The following ATOH8 variants were observed in gnomAD, a reference collection of about 807,000 sequenced individuals.
The protein encoded by ATOH8 is atonal bHLH transcription factor 8.
Under a neutral mutation model 21.2 loss-of-function variants are expected in ATOH8, and 9 were observed. That is an observed-to-expected ratio of 0.42 (90% confidence interval 0.26 to 0.74). The LOEUF is 0.74. Ranked by LOEUF, ATOH8 falls within the 30% of genes least tolerant of loss-of-function variation. The pLI is 0.24. For missense variants in ATOH8, 524 were observed against 470.9 expected (o/e 1.11, Z -1.04); for synonymous variants, 253 against 224.0 (o/e 1.13, Z -1.16).
At position 85,773,240 on chromosome 2, in the gene ATOH8, G is replaced by A. The variant is rs550338205; in HGVS notation, c.960+9058G>A. 10 of 182,238 alleles carry A rather than the reference G, an allele frequency of 5.5e-5. No individual in the cohort carries two copies. The South Asian group carries it at 8.5e-4, about 16-fold the overall frequency. The allele number at this position is 182,238 out of a possible 1,614,324, so 11.3% of individuals were successfully genotyped here. On this transcript the variant is annotated intron_variant, in intron 2 of 2. Coordinates refer to ENST00000306279, the MANE Select transcript of ATOH8 (RefSeq NM_032827.7). ...CAATCACATTCATAAATACGCCGGT[G>A]CCTCGGCTCTGCCGCTGACTGCAGC...
rs367991792 is a variant in ATOH8, at chr2:85,775,099, GTATTA to G, written c.960+10927_960+10931del. The G allele has an allele frequency of 2.7e-4, 257 of 941,488 alleles. 1 individual carries two copies. In the African/African-American group the frequency reaches 2.9e-3, roughly 11 times the overall value. The allele number at this position is 941,488 out of a possible 1,614,324, so 58.3% of individuals were successfully genotyped here. A position where few individuals can be genotyped will look rare whatever the true frequency, so the allele number is the denominator to read the frequency against. ...ATATTAGATTTCATGTCATTACATT[GTATTA>G]TATTATATTTTTAGGTGGTATGCTA... On this transcript the variant is annotated intron_variant, in intron 2 of 2. Transcript: ENST00000306279.
intron 2 of ATOH8, among the ~76,000 whole-genome samples, chr2:85,786,017 C>G (rs954748984): frequency 6.6e-6 from 1 of 152,290 alleles, no homozygotes; most frequent in East Asian, 1.9e-4. Flanking sequence ...TGACCTTGCC[C>G]CCTGTCCCAT....
intron 2 of ATOH8, among the ~76,000 whole-genome samples, chr2:85,783,851 C>T (rs919632739): frequency 5.4e-5 from 7 of 128,632 alleles, no homozygotes; most frequent in Non-Finnish European, 8.9e-5. Context: ...CCCACATGCA[C>T]CCCCCGCCCC....
intron 1 of ATOH8, among the ~76,000 whole-genome samples, chr2:85,755,818 G>A (rs1238971873): frequency 1.3e-5 from 2 of 152,148 alleles, no homozygotes; most frequent in Non-Finnish European, 2.9e-5. Flanking sequence ...AGGAGCTCTA[G>A]GAAGGAGGTG....
intron 1 of ATOH8, among the ~76,000 whole-genome samples, chr2:85,755,327 G>T (rs60305447): frequency 2.7e-4 from 41 of 152,282 alleles, no homozygotes; most frequent in Non-Finnish European, 4.7e-4. Context: ...GCGGAGGAAG[G>T]GGGGAGCCTT....
At position 85,754,724 on chromosome 2, in the gene ATOH8, G is replaced by A. The variant is rs986693648; in HGVS notation, c.535G>A (p.Val179Met). ...ACCGCCAGCGCCCCCGGAGTCCACTGTGCGCCCTGCGCCCCCGACGCGCCC... is the reference window on the plus strand; with the variant it reads ...ACCGCCAGCGCCCCCGGAGTCCACTATGCGCCCTGCGCCCCCGACGCGCCC... ...PAPPAPPEST[V>M]RPAPPTRPGE... The change falls in exon 1 of 3, where the codon GTG becomes ATG. Residue 179 changes from valine to methionine, a missense_variant. By Grantham distance (21) the Val-to-Met change is conservative (BLOSUM62 1). Transcript: ENST00000306279. The A allele has an allele frequency of 1.4e-5, 23 of 1,612,092 alleles. No individual in the cohort carries two copies. Among genetic ancestry groups the A allele is most frequent in the African/African-American group, 1.3e-4 (10 of 74,922 alleles).
intron 2 of ATOH8, chr2:85,774,276 A>C: frequency 4.1e-6 from 4 of 985,564 alleles, no homozygotes; most frequent in Non-Finnish European, 4.8e-6. Context: ...TGAGGCTTCC[A>C]GAGGACAAGA....
chr2:85,787,112 G>C lies in ATOH8; in HGVS notation c.*222G>C. On this transcript the variant is annotated 3_prime_UTR_variant, in exon 3 of 3. Coordinates refer to ENST00000306279, the MANE Select transcript of ATOH8 (RefSeq NM_032827.7). ...TGCTTCGCACTTTGCCCTCTGCCTGGTGGGGAGGGGAGAGCTCAGCCCCCG... is the reference window on the plus strand; with the variant it reads ...TGCTTCGCACTTTGCCCTCTGCCTGCTGGGGAGGGGAGAGCTCAGCCCCCG... The C allele has an allele frequency of 1.7e-6, 1 of 587,378 alleles. No homozygotes were observed. The highest frequency in any genetic ancestry group is 3.0e-6 in the Non-Finnish European group (1 of 332,572). The allele number at this position is 587,378 out of a possible 1,614,324, so 36.4% of individuals were successfully genotyped here.
At chr2:85,779,691 G>T (rs919123668) in intron 2 of ATOH8, among the ~76,000 whole-genome samples, 1 of 152,234 alleles carries the variant, frequency 6.6e-6, no homozygotes, top group African/African-American at 2.4e-5. Context: ...TTGCCCTGCT[G>T]CATCCTAGCA....
At position 85,790,426 on chromosome 2, in the gene ATOH8, CA is replaced by C. The variant is rs1162689241; in HGVS notation, c.*3539del. Among the ~76,000 whole-genome samples the C allele has an allele frequency of 2.0e-5, 3 of 152,186 alleles. No homozygotes were observed. The highest frequency in any genetic ancestry group is 2.0e-4 in the Admixed American group (3 of 15,280). On this transcript the variant is annotated 3_prime_UTR_variant, in exon 3 of 3. Coordinates refer to ENST00000306279, the MANE Select transcript of ATOH8 (RefSeq NM_032827.7). ...ACAGGCCAAGCTTTGCAAGACTCTC[CA>C]AAGACTGCCCACAGACTGTGCTGCT...
intron 1 of ATOH8, among the ~76,000 whole-genome samples, chr2:85,759,099 T>A (rs1335983754): frequency 6.6e-6 from 1 of 152,126 alleles, no homozygotes; most frequent in African/African-American, 2.4e-5. Context: ...CCGGGCTACC[T>A]CCCCTGCTGC....
intron 1 of ATOH8, chr2:85,760,929 C>A (rs1679854265): frequency 6.6e-6 from 1 of 152,280 alleles, no homozygotes; most frequent in South Asian, 2.1e-4. Context: ...CAGACGAGCT[C>A]TTTCCACCAT....
chr2:85,780,943 A>G, intron 2 of ATOH8: 1 of 987,282 alleles, frequency 1.0e-6, no homozygotes, highest in Non-Finnish European at 1.2e-6. Context: ...CTGGAGGCCG[A>G]CTGGTCCATA....
chr2:85,777,686 C>A (rs1194681966), intron 2 of ATOH8, among the ~76,000 whole-genome samples: 1 of 152,194 alleles, frequency 6.6e-6, no homozygotes, highest in Admixed American at 6.5e-5. Flanking sequence ...TTCCTTTCTC[C>A]AGGGAAGTCT....
intron 2 of ATOH8, among the ~76,000 whole-genome samples, chr2:85,776,591 G>C (rs927529204): frequency 6.6e-6 from 1 of 152,180 alleles, no homozygotes; most frequent in Non-Finnish European, 1.5e-5. Context: ...GCGTCCGTAG[G>C]CACCGTCTGC....
At chr2:85,767,579 C>T (rs1394423877) in intron 2 of ATOH8, among the ~76,000 whole-genome samples, 1 of 126,278 alleles carries the variant, frequency 7.9e-6, no homozygotes, top group South Asian at 2.9e-4. Context: ...CCCCTCCCCT[C>T]TCCTTCCCTT....
At chr2:85,763,765 C>T (rs1210025962) in intron 1 of ATOH8, among the ~76,000 whole-genome samples, 2 of 151,870 alleles carry the variant, frequency 1.3e-5, no homozygotes, top group South Asian at 2.1e-4. Flanking sequence ...TAAGCCAAAC[C>T]TGTTTCTTCC....
chr2:85,754,578 C>G lies in ATOH8; in HGVS notation c.389C>G (p.Pro130Arg). 6.9e-7 allele frequency: 1 copy of G among 1,447,440 alleles called. No homozygotes were observed. The allele number at this position is 1,447,440 out of a possible 1,614,324, so 89.7% of individuals were successfully genotyped here. A position where few individuals can be genotyped will look rare whatever the true frequency, so the allele number is the denominator to read the frequency against. The change falls in exon 1 of 3, where the codon CCT (proline) becomes CGT (arginine). Residue 130 changes from proline to arginine, a missense_variant. Transcript: ENST00000306279. ...GLPTPPPPPP[P>R]APQSQAPGGP... ...CCCACGCCGCCGCCGCCGCCGCCTC[C>G]TGCGCCCCAGAGCCAGGCACCTGGG...
rs1335402680 is a variant in ATOH8, at chr2:85,754,651, C to A, written c.462C>A (p.Ile154=). Residue 154 remains isoleucine (I), a synonymous_variant, in exon 1 of 3, where the codon ATC becomes ATA. Transcript: ENST00000306279. Reference sequence around the variant, plus strand: ...GGGAGCCGGGTCTGCGTCCTCGCATCTTGCTGTGCGCACCGCCCGCGCGCC... The same window carrying A: ...GGGAGCCGGGTCTGCGTCCTCGCATATTGCTGTGCGCACCGCCCGCGCGCC... The part of the protein sequence containing the change: ...PFREPGLRPR[I]LLCAPPARPA... 6.5e-7 allele frequency: 1 copy of A among 1,533,950 alleles called. No homozygotes were observed. Among genetic ancestry groups the A allele is most frequent in the Non-Finnish European group, 8.7e-7 (1 of 1,142,912 alleles).
Sources: gnomAD v4.1 joint callset for allele counts (sites outside exome capture counted in the v4.1 genomes callset) on GRCh38, gnomAD v4.1.1 for gene constraint, MANE v1.5 for transcripts, NCBI Gene and HGNC (gene_info 2026-07-23, HGNC 2026-07-21) for gene names.